PHC3: variants seen among roughly 807,000 people sequenced by gnomAD.
PHC3 encodes the protein polyhomeotic homolog 3, also known as polyhomeotic-like protein 3.
A neutral mutation model predicts 107.4 loss-of-function variants in PHC3; 13 were observed. The ratio of observed to expected loss-of-function variants is 0.12; its 90% CI spans 0.08 to 0.19. PHC3 has a LOEUF of 0.19. Ranked by LOEUF, PHC3 falls within the 10% of genes least tolerant of loss-of-function variation. PHC3 has a pLI of 1.00. For missense variants in PHC3, 992 were observed against 1,210.9 expected, an observed-to-expected ratio of 0.82 and a Z score of 2.68; for synonymous variants, 456 against 427.4, an observed-to-expected ratio of 1.07 and a Z score of -0.83.
intron 4 of PHC3, among the ~76,000 whole-genome samples, chr3:170,168,622 C>T (rs980110359): frequency 6.6e-6 from 1 of 151,578 alleles, no homozygotes; most frequent in Non-Finnish European, 1.5e-5. Context: ...GGTGCGGTGG[C>T]GGGCGCCTGT....
At chr3:170,124,589 T>G (rs1720963133) in intron 8 of PHC3, among the ~76,000 whole-genome samples, 1 of 152,094 alleles carries the variant, frequency 6.6e-6, no homozygotes, top group African/African-American at 2.4e-5. Flanking sequence ...GGTCTCAAAC[T>G]CCTGGGCTCA....
chr3:170,170,739 C>A (rs1023761406), intron 4 of PHC3: 1 of 151,952 alleles, frequency 6.6e-6, no homozygotes, highest in Non-Finnish European at 1.5e-5. Context: ...AGAGTAGATA[C>A]AGAAATTTTT....
At chr3:170,107,019 T>C in intron 11 of PHC3, 73 bp from the exon 12 acceptor site, 1 of 1,049,772 alleles carries the variant, frequency 9.5e-7, no homozygotes, top group Non-Finnish European at 1.4e-6. Context: ...AAGTCTATAC[T>C]TTGGTTGGAT....
intron 2 of PHC3, among the ~76,000 whole-genome samples, chr3:170,178,123 G>A (rs188099999): frequency 6.6e-6 from 1 of 151,946 alleles, no homozygotes; most frequent in Admixed American, 6.5e-5. Context: ...CCGCCCACAT[G>A]AATAGACTAA....
At position 170,096,005 on chromosome 3, in the gene PHC3, C is replaced by T. The variant is rs367813157; in HGVS notation, c.*1225G>A. The T allele has an allele frequency of 2.6e-5, 4 of 152,252 alleles. No homozygotes were observed. The highest frequency in any genetic ancestry group is 2.1e-4 in the South Asian group (1 of 4,826). 9.4% of individuals were successfully genotyped at this position (152,252 alleles called of 1,614,324 possible). A position where few individuals can be genotyped will look rare whatever the true frequency, so the allele number is the denominator to read the frequency against. ...TAGAAAAAAATCCAAAGAGCAACCA[C>T]GTATCTGCTACAAACTATTTTCTTG... is the stretch of plus-strand genomic sequence containing the variant. On this transcript the variant is annotated 3_prime_UTR_variant, in exon 15 of 15. Coordinates refer to ENST00000495893, the MANE Select transcript of PHC3 (RefSeq NM_024947.4).
At chr3:170,149,283 C>T in intron 4 of PHC3, 39 bp from the exon 5 acceptor site, 2 of 1,557,352 alleles carry the variant, frequency 1.3e-6, no homozygotes, top group Non-Finnish European at 1.7e-6. Context: ...GCTTCCATTT[C>T]TTGCTTCCAT....
intron 4 of PHC3, among the ~76,000 whole-genome samples, chr3:170,153,315 T>TA (rs2108618955): frequency 6.6e-6 from 1 of 152,250 alleles, no homozygotes; most frequent in African/African-American, 2.4e-5. Context: ...TAATTTCCAT[T>TA]TTGATTTTTC....
intron 10 of PHC3, among the ~76,000 whole-genome samples, chr3:170,116,911 A>T (rs1380581111): frequency 5.1e-3 from 6 of 1,170 alleles, no homozygotes; most frequent in East Asian, 0.5. Context: ...ATCCTGTCTA[A>T]AAAAAAAAAG....
chr3:170,165,461 A>G (rs1219251403), intron 4 of PHC3, among the ~76,000 whole-genome samples: 1 of 152,162 alleles, frequency 6.6e-6, no homozygotes, highest in East Asian at 1.9e-4. Context: ...TATCAGAATT[A>G]TATGATGAAG....
rs760458915 is a variant in PHC3, at chr3:170,092,868, G to A, written c.*4362C>T. ...GTGGGTATAGAGAGTGAAAGAATGA[G>A]TCTGATTACAGGTAAATCTTGACAT... On this transcript the variant is annotated 3_prime_UTR_variant, in exon 15 of 15. Coordinates refer to ENST00000495893, the MANE Select transcript of PHC3 (RefSeq NM_024947.4). 2.0e-5 allele frequency: 3 copies of A among 152,188 alleles called. No individual in the cohort carries two copies. The highest frequency in any genetic ancestry group is 7.2e-5 in the African/African-American group (3 of 41,456). 9.4% of individuals were successfully genotyped at this position (152,188 alleles called of 1,614,324 possible). A position where few individuals can be genotyped will look rare whatever the true frequency, so the allele number is the denominator to read the frequency against.
intron 6 of PHC3, 111 bp from the exon 7 acceptor site, chr3:170,136,776 C>A (rs529862199): frequency 1.8e-6 from 2 of 1,131,166 alleles, no homozygotes; most frequent in Non-Finnish European, 2.5e-6. Context: ...GCTTTTCATA[C>A]GTAAAGCTCC....
chr3:170,131,162 A>G (rs78116068), intron 7 of PHC3, among the ~76,000 whole-genome samples: 1 of 147,864 alleles, frequency 6.8e-6, no homozygotes, highest in Non-Finnish European at 1.5e-5. Flanking sequence ...AAAAAAAAAA[A>G]AGGAAATCAA....
rs776003130 is a variant in PHC3, at chr3:170,161,806, C to T, written c.414+9567G>A. ...CTGCCACCTTCTCACTGTGTCCTCA[C>T]GTAGCAGAGAAATTGCCAGTGTCTC... On this transcript the variant is annotated intron_variant, in intron 4 of 14. Transcript: ENST00000495893. Among the ~76,000 whole-genome samples, 68 of 152,212 alleles carry T rather than the reference C, an allele frequency of 4.5e-4. 1 individual carries two copies. The highest frequency in any genetic ancestry group is 4.6e-4 in the Admixed American group (7 of 15,270).
At chr3:170,172,810 T>C (rs1729818066) in intron 2 of PHC3, 98 bp from the exon 3 acceptor site, 2 of 1,196,982 alleles carry the variant, frequency 1.7e-6, no homozygotes, top group East Asian at 2.4e-5. Context: ...AAAATTTCAC[T>C]GCTTTAATAC....
In PHC3 at chr3:170,165,507, C is replaced by T. The variant is rs550989559; in HGVS notation, c.414+5866G>A. Among the ~76,000 whole-genome samples the T allele has an allele frequency of 9.9e-5, 15 of 152,118 alleles. No homozygotes were observed. The South Asian group carries it at 3.1e-3, about 32-fold the overall frequency. On this transcript the variant is annotated intron_variant, in intron 4 of 14. Coordinates refer to ENST00000495893, the MANE Select transcript of PHC3 (RefSeq NM_024947.4). ...GTGGCTCATGCTTGTAATCCCAGCACTTTGGGAGGCTGAGGCAGGTGGATC... is the reference window on the plus strand; with the variant it reads ...GTGGCTCATGCTTGTAATCCCAGCATTTTGGGAGGCTGAGGCAGGTGGATC...
intron 7 of PHC3, among the ~76,000 whole-genome samples, chr3:170,130,966 T>A (rs1722158366): frequency 6.6e-6 from 1 of 152,192 alleles, no homozygotes; most frequent in African/African-American, 2.4e-5. Flanking sequence ...ATACCTTACA[T>A]CTATTTTTGT....
At chr3:170,102,096 TA>T in intron 14 of PHC3, 1 of 954,414 alleles carries the variant, frequency 1.0e-6, no homozygotes, top group Non-Finnish European at 1.2e-6. Flanking sequence ...TTTAAAAGGT[TA>T]AATTAGGAAA....
intron 7 of PHC3, among the ~76,000 whole-genome samples, chr3:170,131,729 C>G (rs1467535358): frequency 6.6e-6 from 1 of 151,996 alleles, no homozygotes; most frequent in Non-Finnish European, 1.5e-5. Context: ...AGCTATTACT[C>G]AGGAGGCTGA....
intron 11 of PHC3, among the ~76,000 whole-genome samples, chr3:170,112,253 C>T (rs1233742636): frequency 6.6e-6 from 1 of 151,962 alleles, no homozygotes; most frequent in African/African-American, 2.4e-5. Flanking sequence ...GCTCTGTCGC[C>T]AGGCTGGAGT....
Sources: allele counts gnomAD v4.1 joint callset (sites outside exome capture counted in the v4.1 genomes callset), GRCh38; gene constraint gnomAD v4.1.1; transcripts MANE v1.5; gene names NCBI Gene and HGNC (gene_info 2026-07-23, HGNC 2026-07-21).